Variants in BCAS3 observed in about 807,000 individuals in gnomAD.
The protein encoded by BCAS3 is BCAS4/BCAS3 fusion.
BCAS3 carries 53 observed loss-of-function variants against 116.1 expected under a neutral mutation model. The observed-to-expected ratio is 0.46, with a 90% CI of 0.37 to 0.57. The LOEUF is 0.57. Ranked by LOEUF, BCAS3 falls within the 20% of genes least tolerant of loss-of-function variation. The pLI is 0.00. For missense variants in BCAS3, 917 were observed against 1,165.4 expected (o/e 0.79, Z 3.10); for synonymous variants, 391 against 408.2 (o/e 0.96, Z 0.51).
chr17:61,003,206 G>A (rs558881839), intron 15 of BCAS3, among the ~76,000 whole-genome samples: 3 of 150,930 alleles, frequency 2.0e-5, no homozygotes, highest in African/African-American at 4.9e-5. Context: ...TTTCCCCAAC[G>A]TATGTTTCAG....
intron 22 of BCAS3, among the ~76,000 whole-genome samples, chr17:61,275,551 G>T (rs919439705): frequency 3.9e-5 from 6 of 152,148 alleles, no homozygotes; most frequent in African/African-American, 1.4e-4. Flanking sequence ...GCCCAGGCTG[G>T]AGTGCAGTGG....
chr17:61,246,576 G>A (rs996555281), intron 22 of BCAS3, among the ~76,000 whole-genome samples: 30 of 151,532 alleles, frequency 2.0e-4, no homozygotes, highest in Non-Finnish European at 3.7e-4. Context: ...TAGGAGCCTT[G>A]GTGTTAGGTG....
intron 4 of BCAS3, among the ~76,000 whole-genome samples, chr17:60,696,102 G>C (rs146880009): frequency 2.6e-5 from 4 of 152,128 alleles, no homozygotes; most frequent in Non-Finnish European, 5.9e-5. Context: ...AATCAAAGAG[G>C]AAAAAGTATT....
intron 8 of BCAS3, among the ~76,000 whole-genome samples, chr17:60,874,338 T>C (rs1048155575): frequency 1.3e-5 from 2 of 152,182 alleles, no homozygotes; most frequent in Non-Finnish European, 2.9e-5. Context: ...TCCAGGAATG[T>C]TGGGATTGTA....
chr17:60,925,693 T>A (rs1456780699), intron 13 of BCAS3, among the ~76,000 whole-genome samples: 1 of 152,178 alleles, frequency 6.6e-6, no homozygotes, highest in Non-Finnish European at 1.5e-5. Context: ...ATATCAAAAG[T>A]GGTATAAATG....
At chr17:61,330,831 G>A (rs1186548716) in intron 22 of BCAS3, among the ~76,000 whole-genome samples, 1 of 152,174 alleles carries the variant, frequency 6.6e-6, no homozygotes, top group African/African-American at 2.4e-5. Flanking sequence ...TCTTTCCCTG[G>A]GCTTCAGTTT....
At chr17:60,773,026 A>G (rs546075108) in intron 6 of BCAS3, among the ~76,000 whole-genome samples, 1 of 152,190 alleles carries the variant, frequency 6.6e-6, no homozygotes, top group Non-Finnish European at 1.5e-5. Flanking sequence ...TTAGTTTTGT[A>G]AGATACTGCA....
In BCAS3 at chr17:60,962,951, G is replaced by A. The variant is rs2061480192; in HGVS notation, c.1221+15599G>A. 6.6e-6 allele frequency among the ~76,000 whole-genome samples: 1 copy of A among 152,136 alleles called. No individual in the cohort carries two copies. Among genetic ancestry groups the A allele is most frequent in the Admixed American group, 6.5e-5 (1 of 15,272 alleles). ...GATAGAGGTCTAGTTTCATTCTTCTGCATAGCTATCCAGTTATCCCACCAC... is the reference window on the plus strand; with the variant it reads ...GATAGAGGTCTAGTTTCATTCTTCTACATAGCTATCCAGTTATCCCACCAC... On this transcript the variant is annotated intron_variant, in intron 14 of 23. Transcript: ENST00000407086. The surrounding 1 kb of genome is among the most constrained non-coding windows in gnomAD (Gnocchi z 4.4).
intron 7 of BCAS3, among the ~76,000 whole-genome samples, chr17:60,827,424 T>G (rs1290062771): frequency 6.6e-6 from 1 of 152,234 alleles, no homozygotes; most frequent in Admixed American, 6.5e-5. Context: ...ATCTGGTGCT[T>G]GTGCTACAGA....
At chr17:60,941,262 C>G (rs1343263226) in intron 13 of BCAS3, among the ~76,000 whole-genome samples, 2 of 152,256 alleles carry the variant, frequency 1.3e-5, no homozygotes, top group African/African-American at 4.8e-5. Context: ...GACGCAAATG[C>G]TTTTTGTGGC....
chr17:61,014,223 C>A (rs978421078), intron 15 of BCAS3, among the ~76,000 whole-genome samples: 9 of 151,962 alleles, frequency 5.9e-5, no homozygotes, highest in Admixed American at 3.9e-4. Context: ...AAGTTTTTTG[C>A]ATGAAAGAGT....
intron 10 of BCAS3, among the ~76,000 whole-genome samples, chr17:60,894,269 G>T (rs1260122541): frequency 6.6e-6 from 1 of 151,842 alleles, no homozygotes; most frequent in Non-Finnish European, 1.5e-5. Flanking sequence ...GTGTTTTGTA[G>T]TTTTTTCTTG....
intron 19 of BCAS3, among the ~76,000 whole-genome samples, chr17:61,066,352 T>C (rs1294509005): frequency 1.3e-5 from 2 of 152,232 alleles, no homozygotes; most frequent in East Asian, 1.9e-4. Context: ...TCGATGTTCA[T>C]TATGCTTTGT....
At chr17:61,005,779 TTTC>T (rs1568098533) in intron 15 of BCAS3, among the ~76,000 whole-genome samples, 1 of 149,492 alleles carries the variant, frequency 6.7e-6, no homozygotes, top group African/African-American at 2.5e-5. Flanking sequence ...TAGGAAAAAA[TTTC>T]TTTTTTTTCT....
At chr17:60,815,152 G>A (rs926503304) in intron 7 of BCAS3, among the ~76,000 whole-genome samples, 1 of 152,172 alleles carries the variant, frequency 6.6e-6, no homozygotes, top group Admixed American at 6.6e-5. Flanking sequence ...TAGGGACATG[G>A]ATGAAGCTGG....
In BCAS3 at chr17:61,382,492, C is replaced by T. The variant is rs191949735; in HGVS notation, c.2594-9485C>T. On this transcript the variant is annotated intron_variant, in intron 23 of 23. Coordinates refer to ENST00000407086, the MANE Select transcript of BCAS3 (RefSeq NM_017679.5). ...GGTCAGGCTGGTCTCGAACTCCTGA[C>T]CTCAGGTGATCCACCCACCTTGGCC... 7.7e-3 allele frequency among the ~76,000 whole-genome samples: 1,171 copies of T among 151,730 alleles called. 6 individuals carry two copies. Among genetic ancestry groups the T allele is most frequent in the Middle Eastern group, 0.02 (6 of 294 alleles).
intron 19 of BCAS3, among the ~76,000 whole-genome samples, chr17:61,054,158 G>T (rs1448129354): frequency 6.6e-6 from 1 of 152,170 alleles, no homozygotes; most frequent in Non-Finnish European, 1.5e-5. Context: ...TCTTCGCATA[G>T]ATCTTCAGAC....
At position 60,943,575 on chromosome 17, in the gene BCAS3, T is replaced by C. The variant is rs2060332039; in HGVS notation, c.1088-3644T>C. Reference sequence around the variant, plus strand: ...TGCTCTAAAATTTAGGAAGCTGATATAACTTAGGAAAACTACACATGTCCA... The same window carrying C: ...TGCTCTAAAATTTAGGAAGCTGATACAACTTAGGAAAACTACACATGTCCA... On this transcript the variant is annotated intron_variant, in intron 13 of 23. Transcript: ENST00000407086. Among the ~76,000 whole-genome samples the C allele has an allele frequency of 2.6e-5, 4 of 152,206 alleles. No individual in the cohort carries two copies. The South Asian group carries it at 8.3e-4, about 32-fold the overall frequency.
In BCAS3 at chr17:61,379,229, G is replaced by A. The variant is rs1200629346; in HGVS notation, c.2593+10735G>A. On this transcript the variant is annotated intron_variant, in intron 23 of 23. Coordinates refer to ENST00000407086, the MANE Select transcript of BCAS3 (RefSeq NM_017679.5). This position sits in a 1 kb window ranked among gnomAD's most constrained non-coding sequence, Gnocchi z 5.5. ...TTAACCACTGACCTTTCTGTGAGGC[G>A]TGAGATTCTGAACAAAGTTGAACGC... 6.6e-6 allele frequency: 1 copy of A among 152,242 alleles called. No homozygotes were observed. Among genetic ancestry groups the A allele is most frequent in the Non-Finnish European group, 1.5e-5 (1 of 68,062 alleles). The allele number at this position is 152,242 out of a possible 1,614,324, so 9.4% of individuals were successfully genotyped here.
Sources: gnomAD v4.1 joint callset for allele counts (sites outside exome capture counted in the v4.1 genomes callset) on GRCh38, gnomAD v4.1.1 for gene constraint, Gnocchi (gnomAD v3.1) non-coding constraint, MANE v1.5 for transcripts, NCBI Gene and HGNC (gene_info 2026-07-23, HGNC 2026-07-21) for gene names.